Variants in XKR4 observed in about 807,000 individuals in gnomAD.
XKR4 encodes XK-related protein 4.
A neutral mutation model predicts 53.9 loss-of-function variants in XKR4; 12 were observed. The observed-to-expected ratio is 0.22, with a 90% CI of 0.14 to 0.36. XKR4 has a LOEUF of 0.36. XKR4 is among the 10% of genes least tolerant of loss of function. XKR4 has a pLI of 1.00. For synonymous variants in XKR4, 354 were observed against 362.4 expected (o/e 0.98, Z 0.26); for missense variants, 799 against 859.5 (o/e 0.93, Z 0.88).
chr8:55,448,499 G>T (rs992627776), intron 2 of XKR4, among the ~76,000 whole-genome samples: 1 of 152,254 alleles, frequency 6.6e-6, no homozygotes, highest in Non-Finnish European at 1.5e-5. Flanking sequence ...TCTGCGTAAT[G>T]TCTAGCTCAT....
At chr8:55,220,542 C>CTG (rs1401996657) in intron 1 of XKR4, among the ~76,000 whole-genome samples, 10 of 152,234 alleles carry the variant, frequency 6.6e-5, no homozygotes, top group Admixed American at 1.3e-4. Context: ...GCTCCTGAGC[C>CTG]TGTAGTCATC....
intron 1 of XKR4, among the ~76,000 whole-genome samples, chr8:55,232,926 C>T (rs368561029): frequency 6.6e-5 from 10 of 152,200 alleles, no homozygotes; most frequent in African/African-American, 1.9e-4. Flanking sequence ...CCCTTGCTCT[C>T]TTAATAGCCT....
intron 2 of XKR4, among the ~76,000 whole-genome samples, chr8:55,511,476 C>T (rs991866572): frequency 6.6e-6 from 1 of 152,124 alleles, no homozygotes; most frequent in Non-Finnish European, 1.5e-5. Context: ...AAGTCCTTCC[C>T]TTTCTGCCTC....
chr8:55,373,131 G>A (rs886286267), intron 2 of XKR4, among the ~76,000 whole-genome samples: 3 of 152,146 alleles, frequency 2.0e-5, no homozygotes, highest in African/African-American at 7.2e-5. Flanking sequence ...AAAAGTCTCA[G>A]AGACTACAAG....
At chr8:55,238,140 A>C (rs1563490287) in intron 1 of XKR4, among the ~76,000 whole-genome samples, 1 of 152,176 alleles carries the variant, frequency 6.6e-6, no homozygotes, top group Non-Finnish European at 1.5e-5. Flanking sequence ...ATAAATAGAC[A>C]TTTATCTCTC....
intron 1 of XKR4, among the ~76,000 whole-genome samples, chr8:55,261,184 C>T (rs1037690965): frequency 6.6e-6 from 1 of 152,086 alleles, no homozygotes; most frequent in African/African-American, 2.4e-5. Context: ...AATCAGGGTG[C>T]CTGGGTTCTA....
chr8:55,445,859 T>G (rs941407291), intron 2 of XKR4, among the ~76,000 whole-genome samples: 1 of 152,198 alleles, frequency 6.6e-6, no homozygotes. Context: ...TGTACACAGG[T>G]GTTCAGTACG....
chr8:55,176,207 T>C (rs982884930), intron 1 of XKR4, among the ~76,000 whole-genome samples: 4 of 152,214 alleles, frequency 2.6e-5, no homozygotes, highest in African/African-American at 9.6e-5. Flanking sequence ...GGAACTTACA[T>C]TGCATCATTT....
chr8:55,274,842 G>C (rs921735416), intron 1 of XKR4, among the ~76,000 whole-genome samples: 3 of 152,146 alleles, frequency 2.0e-5, no homozygotes, highest in Non-Finnish European at 2.9e-5. Flanking sequence ...CTCAGGTACT[G>C]TTGGTTAGAA....
At chr8:55,306,986 T>A in intron 1 of XKR4, among the ~76,000 whole-genome samples, 1 of 149,434 alleles carries the variant, frequency 6.7e-6, no homozygotes, top group Non-Finnish European at 1.5e-5. Context: ...TATACACAAA[T>A]TAGATCAATA....
chr8:55,370,797 G>C (rs1287182636), intron 2 of XKR4, among the ~76,000 whole-genome samples: 1 of 152,124 alleles, frequency 6.6e-6, no homozygotes, highest in Non-Finnish European at 1.5e-5. Flanking sequence ...CAGCATGATG[G>C]GGGCAGCACT....
intron 1 of XKR4, among the ~76,000 whole-genome samples, chr8:55,143,927 G>T (rs1350457664): frequency 1.3e-5 from 2 of 152,170 alleles, no homozygotes; most frequent in Admixed American, 1.3e-4. Flanking sequence ...GTGAATTTTG[G>T]CTCTTACCAG....
At chr8:55,406,085 T>C (rs1804678222) in intron 2 of XKR4, among the ~76,000 whole-genome samples, 1 of 152,216 alleles carries the variant, frequency 6.6e-6, no homozygotes, top group Admixed American at 6.5e-5. Flanking sequence ...CCTCAGCCTC[T>C]GAGTGTATGA....
chr8:55,293,496 G>A (rs1247186239), intron 1 of XKR4, among the ~76,000 whole-genome samples: 3 of 152,022 alleles, frequency 2.0e-5, no homozygotes, highest in Admixed American at 2.0e-4. Context: ...GCTACATTAT[G>A]GGGAAATAAT....
chr8:55,186,915 A>G (rs1352018190), intron 1 of XKR4, among the ~76,000 whole-genome samples: 2 of 152,196 alleles, frequency 1.3e-5, no homozygotes, highest in African/African-American at 4.8e-5. Context: ...GGAACAAGCA[A>G]TTATATGAGC....
At chr8:55,393,455 G>A (rs866696708) in intron 2 of XKR4, among the ~76,000 whole-genome samples, 2 of 100,238 alleles carry the variant, frequency 2.0e-5, no homozygotes, top group African/African-American at 3.5e-5. Context: ...AGGAAGGAAG[G>A]AAGAAAGGAA....
chr8:55,391,632 G>A (rs1165610926), intron 2 of XKR4, among the ~76,000 whole-genome samples: 5 of 151,924 alleles, frequency 3.3e-5, no homozygotes, highest in Admixed American at 6.6e-5. Flanking sequence ...CAAAAGAATA[G>A]GAAGTAGGAA....
intron 2 of XKR4, among the ~76,000 whole-genome samples, chr8:55,515,600 T>C (rs536198467): frequency 2.6e-5 from 4 of 152,338 alleles, no homozygotes; most frequent in African/African-American, 9.6e-5. Flanking sequence ...TATGGAACTG[T>C]CTTTCCTCAG....
intron 1 of XKR4, among the ~76,000 whole-genome samples, chr8:55,199,310 G>A (rs1465279396): frequency 6.6e-6 from 1 of 152,180 alleles, no homozygotes; most frequent in East Asian, 1.9e-4. Flanking sequence ...TTTCCTTTCT[G>A]TGATATCAGA....
Sources: gnomAD v4.1 joint callset for allele counts (sites outside exome capture counted in the v4.1 genomes callset) on GRCh38, gnomAD v4.1.1 for gene constraint, MANE v1.5 for transcripts, NCBI Gene and HGNC (gene_info 2026-07-23, HGNC 2026-07-21) for gene names.